The following PIK3R1 variants were observed in gnomAD, a reference collection of about 807,000 sequenced individuals.
The protein encoded by PIK3R1 is phosphoinositide-3-kinase regulatory subunit 1.
PIK3R1 carries 29 observed loss-of-function variants against 98.0 expected under a neutral mutation model. The observed-to-expected ratio is 0.30, with a 90% confidence interval of 0.22 to 0.40. The LOEUF (loss-of-function observed/expected upper bound fraction) is 0.40. PIK3R1 is among the 10% of genes least tolerant of loss of function. PIK3R1 has a pLI of 1.00. For missense variants in PIK3R1, 596 were observed against 872.7 expected (o/e 0.68, Z 3.99); for synonymous variants, 282 against 311.8 (o/e 0.90, Z 1.01).
intron 1 of PIK3R1, among the ~76,000 whole-genome samples, chr5:68,216,243 C>T (rs892696801): frequency 2.6e-5 from 4 of 152,208 alleles, no homozygotes; most frequent in African/African-American, 7.2e-5. Context: ...CATTTGCCCC[C>T]GGAGTTGCCG....
At chr5:68,294,816 G>A (rs559264238) in intron 12 of PIK3R1, 138 bp downstream of exon 12, 3 of 525,304 alleles carry the variant, frequency 5.7e-6, no homozygotes, top group Non-Finnish European at 9.6e-6. Flanking sequence ...GTGGTGGGGT[G>A]GGGGGAGGAG....
At position 68,293,736 on chromosome 5, in the gene PIK3R1, GA is replaced by G; in HGVS notation, c.1329del (p.Ala444LeufsTer2). ...QDQVVKEDNI[E>X]AVGKKLHEYN... ...TCAAGTTGTCAAAGAAGATAATATT[GA>G]AGCTGTAGGGAAAAAATTACATGAA... On this transcript the variant is annotated frameshift_variant, in exon 11 of 16. Transcript: ENST00000521381. LOFTEE classifies it high-confidence loss of function. 6.7e-7 allele frequency: 1 copy of G among 1,491,398 alleles called. No individual in the cohort carries two copies. Among genetic ancestry groups the G allele is most frequent in the Non-Finnish European group, 9.3e-7 (1 of 1,081,070 alleles). The allele number at this position is 1,491,398 out of a possible 1,614,324, so 92.4% of individuals were successfully genotyped here. A position where few individuals can be genotyped will look rare whatever the true frequency, so the allele number is the denominator to read the frequency against.
Position 68,273,482 on chromosome 5 carries a change from G to T in PIK3R1, c.427G>T (p.Gly143Cys). 6.2e-7 allele frequency: 1 copy of T among 1,612,910 alleles called. No individual in the cohort carries two copies. The highest frequency in any genetic ancestry group is 1.3e-5 in the African/African-American group (1 of 74,978). Reference protein sequence around the residue: ...IKLVEAIEKKGLECSTLYRTQ... With the variant: ...IKLVEAIEKKCLECSTLYRTQ... ...GCTCGTGGAAGCCATTGAAAAGAAA[G>T]GTAACCAGACTGCTAGAGGGCATCA... Residue 143 changes from glycine (G) to cysteine (C), a missense_variant and splice_region_variant, in exon 3 of 16, where the codon GGT becomes TGT. Gly to Cys is a radical substitution (Grantham distance 159). This residue lies in a region of PIK3R1 where 352 missense variants were observed against 393.3 expected (regional missense o/e 0.90). Coordinates refer to ENST00000521381, the MANE Select transcript of PIK3R1 (RefSeq NM_181523.3).
At position 68,262,715 on chromosome 5, in the gene PIK3R1, G is replaced by GCATGTAGATA. The variant is rs1561278401; in HGVS notation, c.335-10669_335-10668insGATACATGTA. ...TATACACATGTAGATGCATGTAGATGCATGTATACATATATACATGTAGAT... is the reference window on the plus strand; with the variant it reads ...TATACACATGTAGATGCATGTAGATGCATGTAGATACATGTATACATATATACATGTAGAT... On this transcript the variant is annotated intron_variant, in intron 2 of 15. Coordinates refer to ENST00000521381, the MANE Select transcript of PIK3R1 (RefSeq NM_181523.3). 2.0e-3 allele frequency among the ~76,000 whole-genome samples: 33 copies of GCATGTAGATA among 16,824 alleles called. 2 individuals are homozygous for GCATGTAGATA. Among genetic ancestry groups the GCATGTAGATA allele is most frequent in the African/African-American group, 0.015 (32 of 2,194 alleles). 11.0% of individuals were successfully genotyped at this position (16,824 alleles called of 152,430 possible). A position where few individuals can be genotyped will look rare whatever the true frequency, so the allele number is the denominator to read the frequency against.
chr5:68,253,501 G>A (rs879752296), intron 2 of PIK3R1, among the ~76,000 whole-genome samples: 3 of 152,270 alleles, frequency 2.0e-5, no homozygotes, highest in South Asian at 2.1e-4. Flanking sequence ...CTCTGGCCTC[G>A]GGAGCACATT....
chr5:68,273,907 A>C (rs374012755), intron 3 of PIK3R1, 32 bp from the exon 4 acceptor site: 89 of 1,565,706 alleles, frequency 5.7e-5, no homozygotes, highest in Non-Finnish European at 7.4e-5. Context: ...TGTGTTTTGC[A>C]TACATGGTCT....
intron 4 of PIK3R1, among the ~76,000 whole-genome samples, chr5:68,278,737 T>C (rs191678740): frequency 0.013 from 1,959 of 152,064 alleles, 45 homozygotes; most frequent in African/African-American, 0.044. Context: ...GTCAGGAGTT[T>C]GAGACCAGCC....
At chr5:68,262,683 C>A (rs187355438) in intron 2 of PIK3R1, among the ~76,000 whole-genome samples, 607 of 23,140 alleles carry the variant, frequency 0.026, 63 homozygotes, top group African/African-American at 0.079. Flanking sequence ...ATACATGTAT[C>A]TGCATGTATA....
intron 2 of PIK3R1, among the ~76,000 whole-genome samples, chr5:68,243,278 A>G (rs1054392808): frequency 2.0e-5 from 3 of 152,222 alleles, no homozygotes; most frequent in Non-Finnish European, 4.4e-5. Flanking sequence ...TGACTGTTAA[A>G]GTATAATTTT....
intron 2 of PIK3R1, among the ~76,000 whole-genome samples, chr5:68,254,439 T>A (rs1214920308): frequency 6.6e-6 from 1 of 152,220 alleles, no homozygotes; most frequent in Non-Finnish European, 1.5e-5. Flanking sequence ...AAGGAATGAA[T>A]GATCCATGGC....
At chr5:68,295,766 ACAGT>A (rs1168506944) in intron 14 of PIK3R1, 5 of 504,660 alleles carry the variant, frequency 9.9e-6, no homozygotes, top group South Asian at 5.2e-5. Flanking sequence ...TATTTTTGGA[ACAGT>A]CAGAGAAAAA....
rs554226222 is a variant in PIK3R1 at position 68,247,250 on chromosome 5, A to T, written c.334+20241A>T. ...CTCTTAAAATTATATTTTTTGAGATAGAATTCCATTTTAATAGATCAGTGG... is the reference window on the plus strand; with the variant it reads ...CTCTTAAAATTATATTTTTTGAGATTGAATTCCATTTTAATAGATCAGTGG... On this transcript the variant is annotated intron_variant, in intron 2 of 15. Coordinates refer to ENST00000521381, the MANE Select transcript of PIK3R1 (RefSeq NM_181523.3). Among the ~76,000 whole-genome samples, 4 of 152,354 alleles carry T rather than the reference A, an allele frequency of 2.6e-5. No homozygotes were observed. The South Asian group carries it at 8.3e-4, about 32-fold the overall frequency.
chr5:68,288,051 A>G (rs1747151127), intron 7 of PIK3R1, among the ~76,000 whole-genome samples: 1 of 152,178 alleles, frequency 6.6e-6, no homozygotes, highest in Non-Finnish European at 1.5e-5. Flanking sequence ...CAAGAGGTTC[A>G]GGCCTTTACA....
chr5:68,282,110 G>A (rs189553634), intron 7 of PIK3R1, among the ~76,000 whole-genome samples: 1 of 152,240 alleles, frequency 6.6e-6, no homozygotes, highest in East Asian at 1.9e-4. Context: ...GGCAAGCATG[G>A]GATGTTCCAA....
intron 2 of PIK3R1, among the ~76,000 whole-genome samples, chr5:68,252,447 G>A (rs1403464121): frequency 6.6e-6 from 1 of 151,956 alleles, no homozygotes; most frequent in East Asian, 1.9e-4. Context: ...GTGTGGTGAA[G>A]CCATCAAGTT....
intron 4 of PIK3R1, among the ~76,000 whole-genome samples, chr5:68,278,859 G>A (rs1195464991): frequency 6.6e-6 from 1 of 152,098 alleles, no homozygotes; most frequent in Non-Finnish European, 1.5e-5. Flanking sequence ...AGAATCGCTT[G>A]AACCCGGGAG....
intron 1 of PIK3R1, among the ~76,000 whole-genome samples, 186 bp from the exon 2 acceptor site, chr5:68,226,104 C>A (rs1179450014): frequency 1.3e-5 from 2 of 152,122 alleles, no homozygotes; most frequent in East Asian, 3.9e-4. Flanking sequence ...TCCCCTCTGC[C>A]CCCGCCCGGT....
At chr5:68,275,599 C>A (rs1258015749) in intron 4 of PIK3R1, among the ~76,000 whole-genome samples, 1 of 151,450 alleles carries the variant, frequency 6.6e-6, no homozygotes, top group Non-Finnish European at 1.5e-5. Context: ...ACATTTTGAC[C>A]AACAGGTTTC....
rs1025670745 is a variant in PIK3R1, at chr5:68,239,913, C to T, written c.334+12904C>T. The stretch of plus-strand genomic sequence containing the variant: ...ACTATTCCTTACAGCAAAAGAACCT[C>T]ATCAGAACCGCAGGCTGGAAAGAGG... On this transcript the variant is annotated intron_variant, in intron 2 of 15. Transcript: ENST00000521381. 42 of 501,540 alleles carry T rather than the reference C, an allele frequency of 8.4e-5. 1 individual carries two copies. The highest frequency in any genetic ancestry group is 1.5e-4 in the Non-Finnish European group (38 of 254,306). 31.1% of individuals were successfully genotyped at this position (501,540 alleles called of 1,614,324 possible).
Sources: gnomAD v4.1 joint callset for allele counts (sites outside exome capture counted in the v4.1 genomes callset) on GRCh38, gnomAD v4.1.1 for gene constraint, gnomAD v4.1.1 regional missense constraint, MANE v1.5 for transcripts, NCBI Gene and HGNC (gene_info 2026-07-23, HGNC 2026-07-21) for gene names.